Variants in SULT4A1 observed in about 807,000 individuals in gnomAD.
The protein encoded by SULT4A1 is sulfotransferase 4A1.
SULT4A1 carries 11 observed loss-of-function variants against 35.2 expected under a neutral mutation model. That is an observed-to-expected ratio of 0.31 (90% confidence interval 0.20 to 0.52). SULT4A1 has a LOEUF of 0.52. Among genes scored for constraint, SULT4A1 ranks in the 20% least tolerant of loss-of-function variants. SULT4A1 has a pLI of 0.97. For synonymous variants in SULT4A1, 152 were observed against 151.8 expected, an observed-to-expected ratio of 1.00 and a Z score of -0.01; for missense variants, 271 against 383.7, an observed-to-expected ratio of 0.71 and a Z score of 2.45.
In SULT4A1 at chr22:43,846,220, G is replaced by A. The variant is rs146538346; in HGVS notation, c.170-4288C>T. On this transcript the variant is annotated intron_variant, in intron 1 of 6. Transcript: ENST00000330884. ...CCTGCCTGGAGCCTCCTCACTCCCT[G>A]ACTCCTCCCTGCGCCTGCTCAGATG... is the stretch of plus-strand genomic sequence containing the variant. 2.3e-3 allele frequency among the ~76,000 whole-genome samples: 354 copies of A among 152,278 alleles called. 3 individuals are homozygous for A. The highest frequency in any genetic ancestry group is 7.9e-3 in the African/African-American group (328 of 41,562).
chr22:43,856,047 C>T (rs924583785), intron 1 of SULT4A1, among the ~76,000 whole-genome samples: 6 of 152,230 alleles, frequency 3.9e-5, no homozygotes, highest in African/African-American at 9.6e-5. Flanking sequence ...GAATCTCACA[C>T]TGAGCAGAGT....
At chr22:43,840,111 A>C in intron 2 of SULT4A1, 86 bp from the exon 3 acceptor site, 1 of 737,066 alleles carries the variant, frequency 1.4e-6, no homozygotes, top group Non-Finnish European at 2.1e-6. Flanking sequence ...GGGCCAGAGG[A>C]GGAAGGAAGG....
chr22:43,837,088 T>C (rs888414736), intron 4 of SULT4A1, among the ~76,000 whole-genome samples: 1 of 152,258 alleles, frequency 6.6e-6, no homozygotes, highest in Non-Finnish European at 1.5e-5. Context: ...CTGGACATGG[T>C]GTGCTTTCAG....
At chr22:43,855,531 AG>A (rs1221334651) in intron 1 of SULT4A1, among the ~76,000 whole-genome samples, 1 of 152,152 alleles carries the variant, frequency 6.6e-6, no homozygotes, top group African/African-American at 2.4e-5. Context: ...TGACTGGTTT[AG>A]CTTCCAGAAA....
chr22:43,829,017 G>A, intron 6 of SULT4A1, 43 bp downstream of exon 6: 4 of 1,485,514 alleles, frequency 2.7e-6, no homozygotes, highest in Non-Finnish European at 3.6e-6. Flanking sequence ...CAGCCTGGCT[G>A]GGGTGGGGAG....
chr22:43,828,622 C>T (rs1343438027), intron 6 of SULT4A1, among the ~76,000 whole-genome samples: 3 of 152,206 alleles, frequency 2.0e-5, no homozygotes, highest in African/African-American at 2.4e-5. Context: ...CCTAACTTCC[C>T]GCCCACTTCA....
chr22:43,826,817 T>C (rs2063289740), intron 6 of SULT4A1: 39 of 985,352 alleles, frequency 4.0e-5, no homozygotes, highest in Non-Finnish European at 4.3e-5. Context: ...GAGAATTCCC[T>C]GAGTCAACAA....
intron 1 of SULT4A1, among the ~76,000 whole-genome samples, chr22:43,861,951 G>C (rs1409871843): frequency 6.6e-6 from 1 of 152,312 alleles, no homozygotes; most frequent in East Asian, 1.9e-4. Flanking sequence ...GGCCAAATAG[G>C]CTCCATCTCC....
In SULT4A1 at chr22:43,862,305, C is replaced by A. The variant is rs2049481393; in HGVS notation, c.78G>T (p.Arg26=). 1.0e-5 allele frequency: 16 copies of A among 1,568,992 alleles called. No individual in the cohort carries two copies. Among genetic ancestry groups the A allele is most frequent in the Non-Finnish European group, 1.3e-5 (15 of 1,156,578 alleles). ...TCTTCCCGCGGCAGAAGGGCGGCAG[C>A]CGCACGCCATGGAACTCGAAGTACT... ...ESKYFEFHGV[R]LPPFCRGKME... The change falls in exon 1 of 7, where the codon CGG becomes CGT. Residue 26 remains arginine (R), a synonymous_variant. Coordinates refer to ENST00000330884, the MANE Select transcript of SULT4A1 (RefSeq NM_014351.4).
intron 2 of SULT4A1, 150 bp from the exon 3 acceptor site, chr22:43,840,175 C>T (rs970455913): frequency 7.3e-5 from 25 of 341,980 alleles, no homozygotes; most frequent in Non-Finnish European, 1.2e-4. Flanking sequence ...TCTAGGGTAG[C>T]GGAGGGGTCA....
At chr22:43,856,267 A>G (rs2049400036) in intron 1 of SULT4A1, among the ~76,000 whole-genome samples, 2 of 149,814 alleles carry the variant, frequency 1.3e-5, no homozygotes, top group Non-Finnish European at 1.5e-5. Flanking sequence ...GGCACTGGTG[A>G]AGACCCAATG....
At chr22:43,838,783 TC>T in intron 4 of SULT4A1, 83 bp downstream of exon 4, 2 of 1,576,296 alleles carry the variant, frequency 1.3e-6, no homozygotes, top group Non-Finnish European at 1.7e-6. Context: ...GGAGACCGTG[TC>T]GGGGAAGCAC....
intron 4 of SULT4A1, among the ~76,000 whole-genome samples, chr22:43,836,092 T>A (rs1320522913): frequency 6.6e-6 from 1 of 152,264 alleles, no homozygotes; most frequent in Non-Finnish European, 1.5e-5. Flanking sequence ...GAAGACACGG[T>A]CACAGAGGCT....
chr22:43,833,584 A>G (rs1489949163), intron 5 of SULT4A1, 56 bp downstream of exon 5: 7 of 1,433,400 alleles, frequency 4.9e-6, no homozygotes, highest in Non-Finnish European at 6.7e-6. Flanking sequence ...CTGCGTCAGG[A>G]GCTGCCAGGC....
intron 1 of SULT4A1, among the ~76,000 whole-genome samples, chr22:43,845,985 C>T (rs2148295532): frequency 6.6e-6 from 1 of 152,336 alleles, no homozygotes; most frequent in South Asian, 2.1e-4. Flanking sequence ...CACTATTCTA[C>T]CTGTTTTCAA....
At chr22:43,856,874 C>A (rs1165190028) in intron 1 of SULT4A1, among the ~76,000 whole-genome samples, 1 of 152,114 alleles carries the variant, frequency 6.6e-6, no homozygotes, top group Non-Finnish European at 1.5e-5. Flanking sequence ...ATATGGCTGA[C>A]CTTAGTCTCT....
At chr22:43,844,431 T>C (rs936656590) in intron 1 of SULT4A1, among the ~76,000 whole-genome samples, 1 of 152,282 alleles carries the variant, frequency 6.6e-6, no homozygotes, top group East Asian at 1.9e-4. Context: ...TATGGACCAA[T>C]TCTCCCTCCT....
At chr22:43,832,486 C>T (rs922579711) in intron 5 of SULT4A1, among the ~76,000 whole-genome samples, 7 of 152,260 alleles carry the variant, frequency 4.6e-5, no homozygotes, top group East Asian at 1.9e-4. Context: ...CGACCTGGCC[C>T]GTGCTGACCA....
intron 2 of SULT4A1, 137 bp downstream of exon 2, chr22:43,841,665 G>C: frequency 7.3e-7 from 1 of 1,375,490 alleles, no homozygotes; most frequent in East Asian, 2.3e-5. Context: ...AGGCCTGCCA[G>C]CTTCTCCCCT....
Sources: gnomAD v4.1 joint callset for allele counts (sites outside exome capture counted in the v4.1 genomes callset) on GRCh38, gnomAD v4.1.1 for gene constraint, MANE v1.5 for transcripts, NCBI Gene and HGNC (gene_info 2026-07-23, HGNC 2026-07-21) for gene names.